TXNDC8: variants seen among roughly 807,000 people sequenced by gnomAD.
TXNDC8 encodes thioredoxin domain containing 8.
A neutral mutation model predicts 12.9 loss-of-function variants in TXNDC8; 15 were observed. That is an observed-to-expected ratio of 1.16 (90% CI 0.78 to 1.79). The LOEUF (loss-of-function observed/expected upper bound fraction) is 1.79, where lower values mean the gene tolerates loss of function less well. Among genes scored for constraint, TXNDC8 ranks in the 40% most tolerant of loss-of-function variants. TXNDC8 has a pLI of 0.00. For missense variants in TXNDC8, 128 were observed against 113.2 expected (o/e 1.13, Z -0.59); for synonymous variants, 40 against 35.4 (o/e 1.13, Z -0.46).
chr9:110,325,321 G>A (rs1587979859), intron 3 of TXNDC8, among the ~76,000 whole-genome samples: 1 of 152,056 alleles, frequency 6.6e-6, no homozygotes, highest in East Asian at 1.9e-4. Context: ...TATGATTCAT[G>A]TATAAATAGG....
chr9:110,310,041 C>G (rs558166451), intron 3 of TXNDC8, among the ~76,000 whole-genome samples: 1 of 152,114 alleles, frequency 6.6e-6, no homozygotes, highest in African/African-American at 2.4e-5. Context: ...GACTGACTCC[C>G]CTTTCAAGCA....
chr9:110,336,643 A>AAAACC (rs2118890928), intron 1 of TXNDC8, among the ~76,000 whole-genome samples: 1 of 152,346 alleles, frequency 6.6e-6, no homozygotes, highest in South Asian at 2.1e-4. Flanking sequence ...AAAACAAAAC[A>AAAACC]AAACAAAACA....
intron 3 of TXNDC8, chr9:110,322,625 G>T: frequency 1.0e-6 from 1 of 985,418 alleles, no homozygotes; most frequent in South Asian, 4.7e-5. Context: ...AGAGTCTTGT[G>T]TCATCATAAA....
At chr9:110,319,619 C>A in intron 3 of TXNDC8, among the ~76,000 whole-genome samples, 1 of 152,214 alleles carries the variant, frequency 6.6e-6, no homozygotes. Flanking sequence ...CAAAAACTTA[C>A]TGAAGATGCT....
chr9:110,322,220 G>A (rs1839129793), intron 3 of TXNDC8, among the ~76,000 whole-genome samples: 2 of 151,404 alleles, frequency 1.3e-5, no homozygotes, highest in Admixed American at 6.6e-5. Flanking sequence ...AGGATGCTAA[G>A]TTACTAATAT....
Position 110,329,374 on chromosome 9 carries a change from G to A in TXNDC8, c.130-3134C>T, listed in dbSNP as rs1839467758. On this transcript the variant is annotated intron_variant, in intron 2 of 4. Coordinates refer to ENST00000423740, the MANE Select transcript of TXNDC8 (RefSeq NM_001286946.2). ...CTGGAAGTGTCTTTTCAGTAGAAAA[G>A]AAAATTGAACAGAAAGGCTGTTAAA... The A allele has an allele frequency of 6.8e-6, 7 of 1,034,060 alleles. No homozygotes were observed. In the Middle Eastern group the frequency reaches 8.3e-4, roughly 123 times the overall value. 64.1% of individuals were successfully genotyped at this position (1,034,060 alleles called of 1,614,324 possible). A position where few individuals can be genotyped will look rare whatever the true frequency, so the allele number is the denominator to read the frequency against.
downstream of TXNDC8, among the ~76,000 whole-genome samples, chr9:110,301,813 A>G (rs1369972390): frequency 6.6e-6 from 1 of 152,150 alleles, no homozygotes; most frequent in Non-Finnish European, 1.5e-5. Flanking sequence ...GTGAAGGCTG[A>G]CTGTATCTCT....
chr9:110,331,416 T>G (rs1274213207), intron 2 of TXNDC8, among the ~76,000 whole-genome samples: 1 of 152,200 alleles, frequency 6.6e-6, no homozygotes, highest in Admixed American at 6.5e-5. Flanking sequence ...TGTTAGAATC[T>G]CCACAGGTGG....
downstream of TXNDC8, among the ~76,000 whole-genome samples, chr9:110,302,486 C>A (rs1284300167): frequency 6.6e-6 from 1 of 152,208 alleles, no homozygotes; most frequent in Non-Finnish European, 1.5e-5. Context: ...TTGTCAAAAT[C>A]TCAGTTATTA....
At chr9:110,322,847 C>T (rs932666485) in intron 3 of TXNDC8, 3 of 982,280 alleles carry the variant, frequency 3.1e-6, no homozygotes, top group Non-Finnish European at 3.6e-6. Flanking sequence ...TCATTCATCA[C>T]ACACATCATG....
intron 2 of TXNDC8, among the ~76,000 whole-genome samples, chr9:110,332,591 G>A (rs1332953800): frequency 1.3e-5 from 2 of 151,784 alleles, no homozygotes; most frequent in African/African-American, 4.8e-5. Context: ...TACATTTGAA[G>A]GAATAAACTT....
intron 3 of TXNDC8, among the ~76,000 whole-genome samples, chr9:110,311,967 C>T (rs1378452398): frequency 6.6e-6 from 1 of 151,072 alleles, no homozygotes; most frequent in African/African-American, 2.4e-5. Flanking sequence ...CTGCTTGCCG[C>T]AACCTCCACC....
chr9:110,317,779 C>T (rs78311004), intron 3 of TXNDC8, among the ~76,000 whole-genome samples: 4,716 of 152,286 alleles, frequency 0.031, 230 homozygotes, highest in African/African-American at 0.11. Context: ...TGTGATTAGC[C>T]ACGTGACTCC....
At chr9:110,314,633 T>C (rs548574368) in intron 3 of TXNDC8, among the ~76,000 whole-genome samples, 2 of 151,988 alleles carry the variant, frequency 1.3e-5, no homozygotes, top group Non-Finnish European at 2.9e-5. Flanking sequence ...GGGGTTTCAC[T>C]GTGTTAGCCA....
At chr9:110,314,243 G>C (rs1157606662) in intron 3 of TXNDC8, among the ~76,000 whole-genome samples, 2 of 151,982 alleles carry the variant, frequency 1.3e-5, no homozygotes. Context: ...TGCCTTTCTT[G>C]ACTGAACCAA....
chr9:110,301,846 G>A (rs7864250), downstream of TXNDC8, among the ~76,000 whole-genome samples: 4,283 of 152,252 alleles, frequency 0.028, 203 homozygotes, highest in African/African-American at 0.097. Flanking sequence ...CGTGAATCAA[G>A]TTTTATTTTA....
At chr9:110,311,857 A>G (rs138236907) in intron 3 of TXNDC8, among the ~76,000 whole-genome samples, 3,539 of 146,146 alleles carry the variant, frequency 0.024, 136 homozygotes, top group African/African-American at 0.083. Flanking sequence ...TGGATATACT[A>G]TATACTATAT....
chr9:110,307,633 A>C (rs1357720674), intron 3 of TXNDC8, among the ~76,000 whole-genome samples: 1 of 152,240 alleles, frequency 6.6e-6, no homozygotes, highest in Non-Finnish European at 1.5e-5. Context: ...GGAACTACTT[A>C]GGGAAAACCT....
chr9:110,337,862 C>T lies in TXNDC8; in HGVS notation c.-66G>A. On this transcript the variant is annotated 5_prime_UTR_variant, in exon 1 of 5. Transcript: ENST00000423740. ...TTAGTTGGATCACTGTAGCTGTCTC[C>T]TATTTATTACAGTATCCTGCCTGGA... The T allele has an allele frequency of 6.8e-7, 1 of 1,460,918 alleles. No homozygotes were observed. The highest frequency in any genetic ancestry group is 9.6e-7 in the Non-Finnish European group (1 of 1,045,268). The allele number at this position is 1,460,918 out of a possible 1,614,324, so 90.5% of individuals were successfully genotyped here.
Sources: allele counts gnomAD v4.1 joint callset (sites outside exome capture counted in the v4.1 genomes callset), GRCh38; gene constraint gnomAD v4.1.1; transcripts MANE v1.5; gene names NCBI Gene and HGNC (gene_info 2026-07-23, HGNC 2026-07-21).